Variants in VDAC3 observed in about 807,000 individuals in gnomAD.
The protein encoded by VDAC3 is non-selective voltage-gated ion channel VDAC3.
Under a neutral mutation model 33.9 loss-of-function variants are expected in VDAC3, and 7 were observed. The ratio of observed to expected loss-of-function variants is 0.21; its 90% CI spans 0.12 to 0.39. The LOEUF (loss-of-function observed/expected upper bound fraction) is 0.39. VDAC3 is among the 10% of genes least tolerant of loss of function. VDAC3 has a pLI of 1.00. For synonymous variants in VDAC3, 100 were observed against 122.4 expected (o/e 0.82, Z 1.21); for missense variants, 261 against 334.5 (o/e 0.78, Z 1.71).
At chr8:42,400,286 C>G (rs148661718) in intron 6 of VDAC3, among the ~76,000 whole-genome samples, 1 of 149,674 alleles carries the variant, frequency 6.7e-6, no homozygotes, top group Non-Finnish European at 1.5e-5. Context: ...TGCAGTGAGC[C>G]GAGATGCACT....
intron 4 of VDAC3, among the ~76,000 whole-genome samples, chr8:42,395,889 G>A (rs988422755): frequency 6.6e-6 from 1 of 151,454 alleles, no homozygotes; most frequent in Non-Finnish European, 1.5e-5. Context: ...AACCTGGGAG[G>A]TGGAGGTTTC....
Position 42,398,772 on chromosome 8 carries a change from A to G in VDAC3, c.178A>G (p.Thr60Ala). The G allele has an allele frequency of 6.2e-7, 1 of 1,614,000 alleles. No homozygotes were observed. The highest frequency in any genetic ancestry group is 8.5e-7 in the Non-Finnish European group (1 of 1,179,988). ...AGGGAAAGCATCAGGCAACCTAGAAACCAAATATAAGGTCTGTAACTATGG... is the reference window on the plus strand; with the variant it reads ...AGGGAAAGCATCAGGCAACCTAGAAGCCAAATATAAGGTCTGTAACTATGG... ...DTGKASGNLE[T>A]KYKVCNYGLT... The change falls in exon 5 of 10, where the codon ACC (threonine) becomes GCC (alanine). Residue 60 changes from threonine to alanine, a missense_variant. Coordinates refer to ENST00000022615, the MANE Select transcript of VDAC3 (RefSeq NM_005662.7).
rs1802435965 is a variant in VDAC3 at position 42,402,702 on chromosome 8, A to T, written c.552-609A>T. On this transcript the variant is annotated intron_variant, in intron 7 of 9. Transcript: ENST00000022615. ...CTCTGCTAGATGCTCTAATTTACTT[A>T]TGATGGCTAAAACAAAGGCAAGCAG... 1.3e-5 allele frequency among the ~76,000 whole-genome samples: 2 copies of T among 152,254 alleles called. 1 individual carries two copies. Among genetic ancestry groups the T allele is most frequent in the South Asian group, 4.1e-4 (2 of 4,830 alleles).
intron 4 of VDAC3, among the ~76,000 whole-genome samples, chr8:42,398,418 G>A (rs556956172): frequency 1.3e-5 from 2 of 152,210 alleles, no homozygotes; most frequent in Admixed American, 1.3e-4. Flanking sequence ...TGTAGAGATG[G>A]GGTTTTGCCA....
At chr8:42,403,534 G>T in intron 8 of VDAC3, 73 bp downstream of exon 8, 1 of 1,416,700 alleles carries the variant, frequency 7.1e-7, no homozygotes, top group Non-Finnish European at 9.5e-7. Context: ...TGTGATATGA[G>T]TGTAGTTTGC....
rs755583620 is a variant in VDAC3 at position 42,398,725 on chromosome 8, C to T, written c.131C>T (p.Ser44Phe). ...KSCSGVEFST[S>F]GHAYTDTGKA... is the part of the protein sequence containing the mutation. Reference sequence around the variant, plus strand: ...CTTGCTTACCAGGAATTTTCTACTTCTGGTCATGCTTACACTGATACAGGG... The same window carrying T: ...CTTGCTTACCAGGAATTTTCTACTTTTGGTCATGCTTACACTGATACAGGG... The change falls in exon 5 of 10, where the codon TCT (serine) becomes TTT (phenylalanine). Residue 44 changes from serine to phenylalanine, a missense_variant. Ser to Phe is a radical substitution (Grantham distance 155). Transcript: ENST00000022615. 6.2e-7 allele frequency: 1 copy of T among 1,601,672 alleles called. No individual in the cohort carries two copies. Among genetic ancestry groups the T allele is most frequent in the South Asian group, 1.1e-5 (1 of 87,850 alleles).
In VDAC3 at chr8:42,401,873, A is replaced by G. The variant is rs1350726850; in HGVS notation, c.409A>G (p.Thr137Ala). The G allele has an allele frequency of 2.5e-6, 4 of 1,614,218 alleles. No individual in the cohort carries two copies. Among genetic ancestry groups the G allele is most frequent in the Admixed American group, 1.7e-5 (1 of 60,022 alleles). The change falls in exon 7 of 10, where the codon ACC becomes GCC. Residue 137 changes from threonine (T) to alanine (A), a missense_variant. Physicochemically the swap from Thr to Ala is moderately conservative, Grantham distance 58. Transcript: ENST00000022615. ...TGTTGATATAGATTTTTCTGGACCA[A>G]CCATCTATGGCTGGGCTGTGTTGGC... ...SNVDIDFSGP[T>A]IYGWAVLAFE...
At chr8:42,395,354 T>G (rs567701622) in intron 4 of VDAC3, among the ~76,000 whole-genome samples, 10 of 152,334 alleles carry the variant, frequency 6.6e-5, no homozygotes, top group Admixed American at 2.0e-4. Context: ...CAGCTTTCAC[T>G]CAGAAGATGT....
intron 9 of VDAC3, 98 bp from the exon 10 acceptor site, chr8:42,405,273 C>A: frequency 1.0e-6 from 1 of 987,258 alleles, no homozygotes; most frequent in Non-Finnish European, 1.6e-6. Flanking sequence ...GTATACCCAG[C>A]TACAATCCAC....
Position 42,405,600 on chromosome 8 carries a change from C to G in VDAC3, c.*138C>G. 7.0e-6 allele frequency: 5 copies of G among 718,318 alleles called. No homozygotes were observed. The highest frequency in any genetic ancestry group is 1.2e-5 in the Non-Finnish European group (5 of 431,228). 44.5% of individuals were successfully genotyped at this position (718,318 alleles called of 1,614,324 possible). The stretch of plus-strand genomic sequence containing the variant: ...TTCCAAAGAATTGTAATCCTCCCCA[C>G]ACTGAAGTCTAGGGGTTGCGAATCC... On this transcript the variant is annotated 3_prime_UTR_variant, in exon 10 of 10. Transcript: ENST00000022615.
At chr8:42,393,603 A>G (rs554358471) in intron 1 of VDAC3, among the ~76,000 whole-genome samples, 23 of 152,366 alleles carry the variant, frequency 1.5e-4, no homozygotes, top group Admixed American at 1.5e-3. Context: ...CAGAGTTTAC[A>G]CTAACTTTTG....
intron 4 of VDAC3, chr8:42,396,894 T>A: frequency 2.0e-6 from 1 of 492,514 alleles, no homozygotes; most frequent in Non-Finnish European, 3.6e-6. Context: ...ATGCATGTTA[T>A]AAATGTGTTT....
At position 42,405,467 on chromosome 8, in the gene VDAC3, G is replaced by T; in HGVS notation, c.*5G>T. On this transcript the variant is annotated 3_prime_UTR_variant, in exon 10 of 10. Transcript: ENST00000022615. ...GGATTTGAACTGGAAGCTTAATGTG[G>T]TTTGAGGAAAGCATCAGATTTGTCC... The T allele has an allele frequency of 6.2e-7, 1 of 1,610,964 alleles. No individual in the cohort carries two copies. Among genetic ancestry groups the T allele is most frequent in the Non-Finnish European group, 8.5e-7 (1 of 1,178,886 alleles).
intron 1 of VDAC3, among the ~76,000 whole-genome samples, chr8:42,392,745 G>A (rs1381667313): frequency 1.3e-5 from 2 of 152,136 alleles, no homozygotes; most frequent in African/African-American, 4.8e-5. Context: ...ACATTTAAGT[G>A]TATCTTTTCT....
rs143482789 is a variant in VDAC3 at position 42,405,173 on chromosome 8, C to G, written c.761-198C>G. ...ACTCATTGCCCTTAACCCTGAACTTCAGAGAAAGTTTGCCATGATCATGCT... is the reference window on the plus strand; with the variant it reads ...ACTCATTGCCCTTAACCCTGAACTTGAGAGAAAGTTTGCCATGATCATGCT... On this transcript the variant is annotated intron_variant, in intron 9 of 9. Transcript: ENST00000022615. 1.6e-3 allele frequency among the ~76,000 whole-genome samples: 240 copies of G among 152,318 alleles called. 1 individual carries two copies. The highest frequency in any genetic ancestry group is 4.0e-3 in the Admixed American group (61 of 15,300).
chr8:42,395,110 A>G lies in VDAC3; in HGVS notation c.94A>G (p.Lys32Glu), dbSNP rs771412939. 7.1e-5 allele frequency: 114 copies of G among 1,613,850 alleles called. No individual in the cohort carries two copies. The highest frequency in any genetic ancestry group is 9.6e-5 in the Non-Finnish European group (113 of 1,179,970). ...CTTTGGCATGGTCAAGATAGACCTG[A>G]AAACCAAGTCTTGTAGTGGAGTGGT... is the stretch of plus-strand genomic sequence containing the variant. ...YGFGMVKIDL[K>E]TKSCSGVEFS... Residue 32 changes from lysine (K) to glutamate (E), a missense_variant, in exon 4 of 10, where the codon AAA becomes GAA. Transcript: ENST00000022615.
intron 8 of VDAC3, 103 bp downstream of exon 8, chr8:42,403,564 A>G (rs1802452003): frequency 1.3e-5 from 16 of 1,238,460 alleles, no homozygotes; most frequent in South Asian, 4.6e-5. Context: ...ATTAATTTTA[A>G]TAAGCCAGCT....
rs1223084065 is a variant in VDAC3 at position 42,405,519 on chromosome 8, T to C, written c.*57T>C. On this transcript the variant is annotated 3_prime_UTR_variant, in exon 10 of 10. Coordinates refer to ENST00000022615, the MANE Select transcript of VDAC3 (RefSeq NM_005662.7). The stretch of plus-strand genomic sequence containing the variant: ...TGGAAGTGAAGAGAAATGAACCCAC[T>C]ATGTTTTGGCCTTAAAATTCTTCTG... 13 of 1,440,878 alleles carry C rather than the reference T, an allele frequency of 9.0e-6. No homozygotes were observed. The highest frequency in any genetic ancestry group is 1.2e-5 in the Non-Finnish European group (12 of 1,034,872). The allele number at this position is 1,440,878 out of a possible 1,614,324, so 89.3% of individuals were successfully genotyped here.
intron 4 of VDAC3, among the ~76,000 whole-genome samples, chr8:42,396,441 T>C (rs1802319549): frequency 6.6e-6 from 1 of 152,228 alleles, no homozygotes; most frequent in South Asian, 2.1e-4. Flanking sequence ...AATGATACTG[T>C]GTATAATCAT....
Sources: allele counts gnomAD v4.1 joint callset (sites outside exome capture counted in the v4.1 genomes callset), GRCh38; gene constraint gnomAD v4.1.1; transcripts MANE v1.5; gene names NCBI Gene and HGNC (gene_info 2026-07-23, HGNC 2026-07-21).